The following ADGRB3 variants were observed in gnomAD, a reference collection of about 807,000 sequenced individuals.
ADGRB3 encodes brain-specific angiogenesis inhibitor 3.
A neutral mutation model predicts 193.4 loss-of-function variants in ADGRB3; 37 were observed. That is an observed-to-expected ratio of 0.19 (90% CI 0.15 to 0.25). The LOEUF (loss-of-function observed/expected upper bound fraction) is 0.25. Ranked by LOEUF, ADGRB3 falls within the 10% of genes least tolerant of loss-of-function variation. The pLI is 1.00. For synonymous variants in ADGRB3, 690 were observed against 644.2 expected, an observed-to-expected ratio of 1.07 and a Z score of -1.08; for missense variants, 1,637 against 1,852.9, an observed-to-expected ratio of 0.88 and a Z score of 2.14.
intron 3 of ADGRB3, among the ~76,000 whole-genome samples, chr6:68,662,852 A>G (rs545325961): frequency 6.6e-6 from 1 of 151,368 alleles, no homozygotes; most frequent in South Asian, 2.1e-4. Flanking sequence ...CTATTTTGGA[A>G]CTACTCACTT....
intron 10 of ADGRB3, among the ~76,000 whole-genome samples, chr6:68,991,737 T>C (rs910531375): frequency 1.3e-5 from 2 of 152,178 alleles, no homozygotes; most frequent in African/African-American, 4.8e-5. Flanking sequence ...GAAAGCAAGA[T>C]GCTTTCGTGT....
intron 17 of ADGRB3, among the ~76,000 whole-genome samples, chr6:69,166,705 GA>G (rs1217791594): frequency 1.1e-4 from 16 of 152,064 alleles, no homozygotes; most frequent in Admixed American, 2.0e-4. Flanking sequence ...CAGTGAAAAT[GA>G]AAAAACAAGG....
intron 24 of ADGRB3, among the ~76,000 whole-genome samples, chr6:69,334,389 C>T (rs1258771740): frequency 6.6e-6 from 1 of 152,014 alleles, no homozygotes; most frequent in Non-Finnish European, 1.5e-5. Flanking sequence ...TAATGGTTTT[C>T]AATATAAAAA....
intron 3 of ADGRB3, among the ~76,000 whole-genome samples, chr6:68,814,877 G>A (rs1031252558): frequency 6.6e-6 from 1 of 151,982 alleles, no homozygotes; most frequent in Non-Finnish European, 1.5e-5. Flanking sequence ...CAGAACCAAC[G>A]ACAAAAACCA....
At chr6:68,832,234 G>A (rs180731678) in intron 3 of ADGRB3, among the ~76,000 whole-genome samples, 4 of 152,146 alleles carry the variant, frequency 2.6e-5, no homozygotes, top group African/African-American at 9.6e-5. Context: ...ATAATATTAA[G>A]ATGTTTAAAT....
chr6:68,672,683 T>C lies in ADGRB3; in HGVS notation c.757+33251T>C, dbSNP rs559092606. On this transcript the variant is annotated intron_variant, in intron 3 of 31. Transcript: ENST00000370598. ...TACTGCAGAGTTTGATAGTTAAGAT[T>C]ATGTGTCAAGTTGGCTAGTACATGG... Among the ~76,000 whole-genome samples the C allele has an allele frequency of 1.8e-4, 27 of 152,190 alleles. No individual in the cohort carries two copies. The South Asian group carries it at 5.0e-3, about 28-fold the overall frequency.
At chr6:69,220,717 G>A (rs904230682) in intron 17 of ADGRB3, among the ~76,000 whole-genome samples, 8 of 152,060 alleles carry the variant, frequency 5.3e-5, no homozygotes, top group African/African-American at 1.7e-4. Context: ...AGGGTTCAGC[G>A]CTGCCCTTCA....
At chr6:68,859,607 G>T (rs1169992507) in intron 3 of ADGRB3, among the ~76,000 whole-genome samples, 1 of 152,210 alleles carries the variant, frequency 6.6e-6, no homozygotes, top group South Asian at 2.1e-4. Flanking sequence ...AGGCAAGAGA[G>T]AACTTGTGTA....
At chr6:69,194,606 G>A (rs959687042) in intron 17 of ADGRB3, among the ~76,000 whole-genome samples, 11 of 152,092 alleles carry the variant, frequency 7.2e-5, no homozygotes, top group African/African-American at 2.2e-4. Context: ...TTTATATTAT[G>A]AGTCATGTGA....
At chr6:69,372,520 C>A (rs1307924594) in intron 30 of ADGRB3, 79 bp downstream of exon 30, 2 of 701,120 alleles carry the variant, frequency 2.9e-6, no homozygotes, top group Non-Finnish European at 4.3e-6. Flanking sequence ...AATTATTACT[C>A]TATGCAGCCA....
chr6:68,847,435 C>A (rs1768301796), intron 3 of ADGRB3, among the ~76,000 whole-genome samples: 1 of 152,116 alleles, frequency 6.6e-6, no homozygotes, highest in African/African-American at 2.4e-5. Flanking sequence ...AATTGTATCT[C>A]CCAGAATTCC....
chr6:68,814,147 G>T (rs1397421433), intron 3 of ADGRB3, among the ~76,000 whole-genome samples: 1 of 152,134 alleles, frequency 6.6e-6, no homozygotes, highest in Admixed American at 6.5e-5. Flanking sequence ...CTTCCACAAT[G>T]GTTGAACTAG....
chr6:68,909,238 A>G (rs758438556), intron 3 of ADGRB3, among the ~76,000 whole-genome samples: 11 of 152,164 alleles, frequency 7.2e-5, no homozygotes, highest in Non-Finnish European at 1.5e-4. Flanking sequence ...GAGTTGGTGG[A>G]CACATAATAT....
intron 3 of ADGRB3, among the ~76,000 whole-genome samples, chr6:68,741,090 T>C (rs1001035170): frequency 6.6e-6 from 1 of 152,090 alleles, no homozygotes; most frequent in Non-Finnish European, 1.5e-5. Flanking sequence ...GTCAGTTTGC[T>C]TGACAGGAAA....
intron 3 of ADGRB3, among the ~76,000 whole-genome samples, chr6:68,729,800 C>T (rs1765738156): frequency 6.6e-6 from 1 of 151,326 alleles, no homozygotes; most frequent in Non-Finnish European, 1.5e-5. Context: ...TTATTGATTC[C>T]CCATTTACAA....
chr6:69,092,157 T>G (rs1772728120), intron 17 of ADGRB3, among the ~76,000 whole-genome samples: 1 of 152,176 alleles, frequency 6.6e-6, no homozygotes, highest in Non-Finnish European at 1.5e-5. Flanking sequence ...ACAAATAGCC[T>G]CCTTTTAACC....
chr6:69,097,036 T>A (rs776027031), intron 17 of ADGRB3, among the ~76,000 whole-genome samples: 1 of 152,224 alleles, frequency 6.6e-6, no homozygotes, highest in African/African-American at 2.4e-5. Context: ...CCTCTAACAT[T>A]AAAGTAAAAG....
At chr6:68,776,633 C>CA (rs1766753187) in intron 3 of ADGRB3, among the ~76,000 whole-genome samples, 2 of 152,136 alleles carry the variant, frequency 1.3e-5, no homozygotes, top group South Asian at 4.1e-4. Context: ...AACTGCCAAT[C>CA]ATTTCTGCCA....
intron 3 of ADGRB3, among the ~76,000 whole-genome samples, chr6:68,674,150 G>T (rs777156635): frequency 2.6e-5 from 4 of 152,044 alleles, no homozygotes; most frequent in Non-Finnish European, 5.9e-5. Flanking sequence ...ATTTATCTGA[G>T]GCTGTCTGAG....
Sources: allele counts gnomAD v4.1 joint callset (sites outside exome capture counted in the v4.1 genomes callset), GRCh38; gene constraint gnomAD v4.1.1; transcripts MANE v1.5; gene names NCBI Gene and HGNC (gene_info 2026-07-23, HGNC 2026-07-21).